Variants in RPTOR observed in about 807,000 individuals in gnomAD.
RPTOR encodes regulatory-associated protein of mTOR.
A neutral mutation model predicts 169.9 loss-of-function variants in RPTOR; 21 were observed. That is an observed-to-expected ratio of 0.12 (90% CI 0.09 to 0.18). RPTOR has a LOEUF of 0.18. Ranked by LOEUF, RPTOR falls within the 10% of genes least tolerant of loss-of-function variation. The pLI, the probability that RPTOR is intolerant of heterozygous loss-of-function variation, is 1.00. For missense variants in RPTOR, 1,133 were observed against 1,855.9 expected (o/e 0.61, Z 7.16); for synonymous variants, 732 against 753.2 (o/e 0.97, Z 0.46).
rs577457932 is a variant in RPTOR at position 80,801,107 on chromosome 17, G to A, written c.890+9598G>A. ...TCTGGTTCCCATCTGTGGGACTTCC[G>A]TCTCATCTGAGCCTGGGGATGCAGT... On this transcript the variant is annotated intron_variant, in intron 7 of 33. Coordinates refer to ENST00000306801, the MANE Select transcript of RPTOR (RefSeq NM_020761.3). Among the ~76,000 whole-genome samples, 9 of 152,278 alleles carry A rather than the reference G, an allele frequency of 5.9e-5. No individual in the cohort carries two copies. In the South Asian group the frequency reaches 6.2e-4, roughly 11 times the overall value.
Position 80,601,555 on chromosome 17 carries a change from C to CTTCTTTTTTTTTTTTTT in RPTOR, c.163-24134_163-24133insCTTTTTTTTTTTTTTTT. Among the ~76,000 whole-genome samples, 7 of 17,994 alleles carry CTTCTTTTTTTTTTTTTT rather than the reference C, an allele frequency of 3.9e-4. 2 individuals carry two copies. Among genetic ancestry groups the CTTCTTTTTTTTTTTTTT allele is most frequent in the Non-Finnish European group, 5.5e-4 (6 of 10,882 alleles). The allele number at this position is 17,994 out of a possible 152,430, so 11.8% of individuals were successfully genotyped here. A position where few individuals can be genotyped will look rare whatever the true frequency, so the allele number is the denominator to read the frequency against. ...CTGCTGTTGGTGAAGATGGTTCAGTCTTTTTTTTTTTTTTTTTAAATTTAT... is the reference window on the plus strand; with the variant it reads ...CTGCTGTTGGTGAAGATGGTTCAGTCTTCTTTTTTTTTTTTTTTTTTTTTTTTTTTTTTTAAATTTAT... On this transcript the variant is annotated intron_variant, in intron 1 of 33. Transcript: ENST00000306801.
At chr17:80,817,054 G>GA (rs2067331336) in intron 7 of RPTOR, among the ~76,000 whole-genome samples, 1 of 152,216 alleles carries the variant, frequency 6.6e-6, no homozygotes, top group Non-Finnish European at 1.5e-5. Flanking sequence ...CATTGGGAAG[G>GA]AAGTCTTGGT....
chr17:80,929,496 T>C (rs1162922303), intron 24 of RPTOR, among the ~76,000 whole-genome samples: 1 of 152,080 alleles, frequency 6.6e-6, no homozygotes, highest in African/African-American at 2.4e-5. Flanking sequence ...GCTTTAAGAG[T>C]CGATACGCTG....
chr17:80,811,249 G>A (rs1408985984), intron 7 of RPTOR, among the ~76,000 whole-genome samples: 1 of 152,162 alleles, frequency 6.6e-6, no homozygotes, highest in African/African-American at 2.4e-5. Flanking sequence ...ATCAGGTTGA[G>A]GAAGTGCGCT....
chr17:80,901,191 G>T (rs1303919352), intron 20 of RPTOR, among the ~76,000 whole-genome samples: 5 of 151,826 alleles, frequency 3.3e-5, no homozygotes, highest in Admixed American at 6.6e-5. Flanking sequence ...GGTCTCGGTG[G>T]AGTACAGGGC....
intron 1 of RPTOR, among the ~76,000 whole-genome samples, chr17:80,571,987 C>CA (rs989768875): frequency 1.3e-5 from 2 of 152,110 alleles, no homozygotes; most frequent in African/African-American, 4.8e-5. Context: ...TTCTTTTAAA[C>CA]AAAAAAATCA....
At chr17:80,604,081 C>T (rs2065210940) in intron 1 of RPTOR, among the ~76,000 whole-genome samples, 1 of 152,192 alleles carries the variant, frequency 6.6e-6, no homozygotes, top group Non-Finnish European at 1.5e-5. Context: ...TTATCCTTTC[C>T]TTTCTGATTA....
chr17:80,947,733 A>G lies in RPTOR; in HGVS notation c.3265+382A>G, dbSNP rs1185367010. Among the ~76,000 whole-genome samples the G allele has an allele frequency of 2.0e-5, 3 of 152,008 alleles. No individual in the cohort carries two copies. Among genetic ancestry groups the G allele is most frequent in the Non-Finnish European group, 4.4e-5 (3 of 68,016 alleles). ...AACACGTGCCAGGTCCTCCCCGGCC[A>G]GGGTCTCCTGGCATCGCTGGCTCAT... is the stretch of plus-strand genomic sequence containing the variant. On this transcript the variant is annotated intron_variant, in intron 27 of 33. Transcript: ENST00000306801. This position sits in a 1 kb window ranked among gnomAD's most constrained non-coding sequence, Gnocchi z 4.4.
intron 11 of RPTOR, among the ~76,000 whole-genome samples, chr17:80,850,380 A>G (rs1436889369): frequency 6.6e-6 from 1 of 152,236 alleles, no homozygotes; most frequent in Admixed American, 6.5e-5. Context: ...TTGATGCAAC[A>G]GACACGATTT....
chr17:80,648,248 G>A (rs946290079), intron 3 of RPTOR, among the ~76,000 whole-genome samples: 1 of 152,190 alleles, frequency 6.6e-6, no homozygotes, highest in African/African-American at 2.4e-5. Context: ...TTGGGAGGAG[G>A]GGGTTTGGGG....
chr17:80,701,944 C>G (rs1215250748), intron 3 of RPTOR, among the ~76,000 whole-genome samples: 1 of 152,164 alleles, frequency 6.6e-6, no homozygotes, highest in African/African-American at 2.4e-5. Flanking sequence ...TGTGCAGCTT[C>G]ACCAGAGCTT....
At chr17:80,566,349 A>G (rs1255628264) in intron 1 of RPTOR, among the ~76,000 whole-genome samples, 1 of 152,222 alleles carries the variant, frequency 6.6e-6, no homozygotes, top group Non-Finnish European at 1.5e-5. Context: ...GGTTTCCCAG[A>G]TGTTACTAAG....
intron 8 of RPTOR, among the ~76,000 whole-genome samples, 181 bp from the exon 9 acceptor site, chr17:80,822,898 C>T (rs1038263670): frequency 2.6e-5 from 4 of 151,958 alleles, no homozygotes; most frequent in East Asian, 1.9e-4. Flanking sequence ...CATTTGTGCA[C>T]GTGTGTGTAT....
intron 7 of RPTOR, among the ~76,000 whole-genome samples, chr17:80,793,522 G>T (rs763223582): frequency 6.6e-6 from 1 of 152,008 alleles, no homozygotes; most frequent in Non-Finnish European, 1.5e-5. Context: ...TTTCTCCTCC[G>T]CCTGGTAGCA....
At chr17:80,920,944 A>G (rs922394072) in intron 21 of RPTOR, among the ~76,000 whole-genome samples, 1 of 152,256 alleles carries the variant, frequency 6.6e-6, no homozygotes, top group Non-Finnish European at 1.5e-5. Context: ...GTTTAATACC[A>G]AAACAAAACA....
intron 10 of RPTOR, among the ~76,000 whole-genome samples, chr17:80,841,058 T>C (rs1355146987): frequency 5.9e-5 from 1 of 16,808 alleles, no homozygotes; most frequent in African/African-American, 7.1e-4. Context: ...GCACGGCAGC[T>C]CACATTCACC....
At chr17:80,666,755 G>A (rs1014523734) in intron 3 of RPTOR, among the ~76,000 whole-genome samples, 2 of 152,192 alleles carry the variant, frequency 1.3e-5, no homozygotes, top group Admixed American at 1.3e-4. Flanking sequence ...CTCGTGGGGA[G>A]ATGGGTGGCC....
intron 1 of RPTOR, among the ~76,000 whole-genome samples, chr17:80,565,824 T>C (rs1246499419): frequency 6.6e-6 from 1 of 152,266 alleles, no homozygotes; most frequent in Non-Finnish European, 1.5e-5. Context: ...AAACTGAGGC[T>C]ATTTGGAGAG....
chr17:80,880,840 C>CT (rs1218703704), intron 14 of RPTOR, among the ~76,000 whole-genome samples: 1 of 152,148 alleles, frequency 6.6e-6, no homozygotes, highest in African/African-American at 2.4e-5. Flanking sequence ...CGCCGCACGT[C>CT]TGTAATATGA....
Sources: allele counts gnomAD v4.1 joint callset (sites outside exome capture counted in the v4.1 genomes callset), GRCh38; gene constraint gnomAD v4.1.1; non-coding constraint Gnocchi (gnomAD v3.1); transcripts MANE v1.5; gene names NCBI Gene and HGNC (gene_info 2026-07-23, HGNC 2026-07-21).